L2HGDH: variants seen among roughly 807,000 people sequenced by gnomAD.
L2HGDH encodes L-2-hydroxyglutarate dehydrogenase.
L2HGDH carries 34 observed loss-of-function variants against 51.5 expected under a neutral mutation model. The ratio of observed to expected loss-of-function variants is 0.66; its 90% CI spans 0.50 to 0.88. The LOEUF is 0.88. Ranked by LOEUF, L2HGDH falls within the 40% of genes least tolerant of loss-of-function variation. L2HGDH has a pLI of 0.00. For synonymous variants in L2HGDH, 198 were observed against 197.9 expected, an observed-to-expected ratio of 1.00 and a Z score of -0.01; for missense variants, 558 against 571.9, an observed-to-expected ratio of 0.98 and a Z score of 0.25.
In L2HGDH at chr14:50,259,759, G is replaced by A. The variant is rs764364546; in HGVS notation, c.1196+5599C>T. Among the ~76,000 whole-genome samples the A allele has an allele frequency of 4.6e-5, 7 of 151,742 alleles. No homozygotes were observed. In the East Asian group the frequency reaches 5.8e-4, roughly 13 times the overall value. On this transcript the variant is annotated intron_variant, in intron 9 of 9. Coordinates refer to ENST00000267436, the MANE Select transcript of L2HGDH (RefSeq NM_024884.3). Reference sequence around the variant, plus strand: ...TGAGGCAGGAGAGTCACCTGAACCCGGGAAGCAGAGGTTGCAGTGAGCTGA... The same window carrying A: ...TGAGGCAGGAGAGTCACCTGAACCCAGGAAGCAGAGGTTGCAGTGAGCTGA...
At chr14:50,281,704 AGT>A (rs1566523828) in intron 5 of L2HGDH, among the ~76,000 whole-genome samples, 5,288 of 152,250 alleles carry the variant, frequency 0.035, 301 homozygotes, top group African/African-American at 0.12. Context: ...TCCTTTTTTC[AGT>A]CTACTGGTTT....
rs921556266 is a variant in L2HGDH, at chr14:50,269,179, T to G, written c.890A>C (p.Lys297Thr). 8 of 1,594,942 alleles carry G rather than the reference T, an allele frequency of 5.0e-6. No homozygotes were observed. Among genetic ancestry groups the G allele is most frequent in the Non-Finnish European group, 6.9e-6 (8 of 1,167,218 alleles). ...LLKPEKCYLV[K>T]GNIYPVPDSR... is the part of the protein sequence containing the mutation. ...ATTACCTACCGGATAAATATTTCCT[T>G]TTACAAGATAACATTTTTCTGGCTT... The change falls in exon 7 of 10, where the codon AAA (lysine) becomes ACA (threonine). Residue 297 changes from lysine to threonine, a missense_variant. By Grantham distance (78) the Lys-to-Thr change is moderately conservative. Around this residue, in one of 3 missense-constraint regions of L2HGDH, gnomAD observed 321 missense variants for 311.8 expected, o/e 1.03. Transcript: ENST00000267436.
chr14:50,255,161 T>C (rs1397844169), intron 9 of L2HGDH, among the ~76,000 whole-genome samples: 1 of 152,122 alleles, frequency 6.6e-6, no homozygotes, highest in Non-Finnish European at 1.5e-5. Context: ...TTCAAGCACT[T>C]AAGGCAACTT....
Position 50,247,139 on chromosome 14 carries a change from A to T in L2HGDH, c.1311T>A (p.Asn437Lys). The change falls in exon 10 of 10, where the codon AAT becomes AAA. Residue 437 changes from asparagine to lysine, a missense_variant. Asn to Lys is a moderately conservative substitution (Grantham distance 94, BLOSUM62 0). This residue lies in a region of L2HGDH where 321 missense variants were observed against 311.8 expected (regional missense o/e 1.03). Coordinates refer to ENST00000267436, the MANE Select transcript of L2HGDH (RefSeq NM_024884.3). Reference protein sequence around the residue: ...DIGNRILHVRNAPSPAATSSI... With the variant: ...DIGNRILHVRKAPSPAATSSI... ...AAGAAGTAGCAGCAGGAGAAGGTGC[A>T]TTTCTCACATGAAGAATGCGATTTC... is the stretch of plus-strand genomic sequence containing the variant. 2 of 1,614,096 alleles carry T rather than the reference A, an allele frequency of 1.2e-6. No individual in the cohort carries two copies. Among genetic ancestry groups the T allele is most frequent in the Non-Finnish European group, 1.7e-6 (2 of 1,179,994 alleles).
chr14:50,248,733 G>C (rs919274169), intron 9 of L2HGDH, among the ~76,000 whole-genome samples: 1 of 152,170 alleles, frequency 6.6e-6, no homozygotes, highest in Non-Finnish European at 1.5e-5. Flanking sequence ...ATATGGGAGT[G>C]AGTGGAGCAA....
chr14:50,299,746 G>A (rs943527834), intron 3 of L2HGDH: 3 of 154,318 alleles, frequency 1.9e-5, no homozygotes, highest in African/African-American at 7.2e-5. Flanking sequence ...CAGGCGTGGT[G>A]GCTCACACCT....
At chr14:50,306,138 G>C (rs1346991777) in intron 1 of L2HGDH, among the ~76,000 whole-genome samples, 1 of 151,014 alleles carries the variant, frequency 6.6e-6, no homozygotes, top group African/African-American at 2.4e-5. Flanking sequence ...GCAACCTCCA[G>C]CTCCCGGATT....
At chr14:50,300,766 C>T (rs1291575753) in intron 3 of L2HGDH, among the ~76,000 whole-genome samples, 3 of 151,990 alleles carry the variant, frequency 2.0e-5, no homozygotes, top group African/African-American at 7.3e-5. Context: ...TTGAGACCAG[C>T]CTGGGCAACA....
At chr14:50,287,196 C>T (rs1377729042) in intron 4 of L2HGDH, 3 of 985,268 alleles carry the variant, frequency 3.0e-6, no homozygotes, top group Non-Finnish European at 3.6e-6. Context: ...TGATGGTCAC[C>T]TCATCAGGTA....
chr14:50,265,268 A>T, intron 9 of L2HGDH, 90 bp downstream of exon 9: 1 of 1,123,254 alleles, frequency 8.9e-7, no homozygotes, highest in Non-Finnish European at 1.3e-6. Context: ...ACTGACTCTG[A>T]AATGGTACTT....
At chr14:50,261,574 C>T (rs958787548) in intron 9 of L2HGDH, among the ~76,000 whole-genome samples, 1 of 152,080 alleles carries the variant, frequency 6.6e-6, no homozygotes, top group Non-Finnish European at 1.5e-5. Context: ...CTTCAGCATC[C>T]TGGGCTCAAG....
Position 50,288,782 on chromosome 14 carries a change from G to C in L2HGDH, c.541-4749C>G, listed in dbSNP as rs191663253. Among the ~76,000 whole-genome samples, 384 of 152,170 alleles carry C rather than the reference G, an allele frequency of 2.5e-3. 1 individual carries two copies. Among genetic ancestry groups the C allele is most frequent in the Non-Finnish European group, 3.9e-3 (264 of 68,000 alleles). On this transcript the variant is annotated intron_variant, in intron 4 of 9. Transcript: ENST00000267436. ...CTTTGAAACAACCAATCTGCTTTTT[G>C]TTCTCTGTTTCTGCTTTCTTCAACC... is the stretch of plus-strand genomic sequence containing the variant.
At chr14:50,254,530 A>G (rs1484518524) in intron 9 of L2HGDH, among the ~76,000 whole-genome samples, 1 of 152,046 alleles carries the variant, frequency 6.6e-6, no homozygotes, top group African/African-American at 2.4e-5. Context: ...AGGACCAGCC[A>G]CTGATGTTGA....
chr14:50,269,328 TC>T lies in L2HGDH; in HGVS notation c.740del (p.Gly247GlufsTer10). 5 of 1,613,878 alleles carry T rather than the reference TC, an allele frequency of 3.1e-6. No individual in the cohort carries two copies. The highest frequency in any genetic ancestry group is 4.2e-6 in the Non-Finnish European group (5 of 1,179,864). ...CAACATACTGACATCGAATTTCCTC[TC>T]CCTAGTGCAAAATAAAAGAACAGTT... Reference protein sequence around the residue: ...QYPIVIKNTKGEEIRCQYVVT... With the variant: ...QYPIVIKNTKXEEIRCQYVVT... On this transcript the variant is annotated frameshift_variant and splice_region_variant, in exon 7 of 10. Transcript: ENST00000267436. LOFTEE classifies it high-confidence loss of function.
chr14:50,280,999 T>C (rs931937507), intron 5 of L2HGDH, among the ~76,000 whole-genome samples: 6 of 151,956 alleles, frequency 3.9e-5, no homozygotes, highest in Non-Finnish European at 8.8e-5. Flanking sequence ...AAATTTTTTG[T>C]AGAGGCAGGG....
At chr14:50,308,201 G>A (rs546023190) in intron 1 of L2HGDH, among the ~76,000 whole-genome samples, 38 of 152,304 alleles carry the variant, frequency 2.5e-4, no homozygotes, top group Admixed American at 3.9e-4. Flanking sequence ...GACCAGCCAT[G>A]CCAACATGGA....
intron 5 of L2HGDH, chr14:50,282,466 G>C (rs1890326340): frequency 2.2e-6 from 1 of 455,828 alleles, no homozygotes; most frequent in Non-Finnish European, 4.4e-6. Flanking sequence ...CTTTCCACCT[G>C]ACATCTTTGT....
Position 50,294,157 on chromosome 14 carries a change from C to G in L2HGDH, c.498G>C (p.Leu166=), listed in dbSNP as rs760625873. 3.1e-6 allele frequency: 5 copies of G among 1,613,856 alleles called. No individual in the cohort carries two copies. In the Admixed American group the frequency reaches 8.3e-5, roughly 27 times the overall value. Residue 166 remains leucine, a synonymous_variant, in exon 4 of 10, where the codon CTG becomes CTC. Transcript: ENST00000267436. Reference sequence around the variant, plus strand: ...TCTTTTTTATATCCTCCTGCTGGATCAGCCTCAGGCCCGGGACACCATTCT... The same window carrying G: ...TCTTTTTTATATCCTCCTGCTGGATGAGCCTCAGGCCCGGGACACCATTCT... The part of the protein sequence containing the change: ...GLQNGVPGLR[L]IQQEDIKKKE...
intron 6 of L2HGDH, among the ~76,000 whole-genome samples, chr14:50,270,669 G>A (rs752228474): frequency 1.3e-5 from 2 of 152,096 alleles, no homozygotes; most frequent in Admixed American, 1.3e-4. Flanking sequence ...ACCACGCCCG[G>A]CTAATTTTTT....
Sources: allele counts gnomAD v4.1 joint callset (sites outside exome capture counted in the v4.1 genomes callset), GRCh38; gene constraint gnomAD v4.1.1; regional missense constraint gnomAD v4.1.1; transcripts MANE v1.5; gene names NCBI Gene and HGNC (gene_info 2026-07-23, HGNC 2026-07-21).